The following CNIH3 variants were observed in gnomAD, a reference collection of about 807,000 sequenced individuals.
CNIH3 encodes the protein protein cornichon homolog 3.
In CNIH3, 14 loss-of-function variants were observed where a neutral mutation model predicts 24.1. The observed-to-expected ratio is 0.58, with a 90% confidence interval of 0.38 to 0.91. The LOEUF (loss-of-function observed/expected upper bound fraction) is 0.91, where lower values mean the gene tolerates loss of function less well. CNIH3 is among the 40% of genes least tolerant of loss of function. The pLI is 0.00. For missense variants in CNIH3, 178 were observed against 196.8 expected, an observed-to-expected ratio of 0.90 and a Z score of 0.57; for synonymous variants, 68 against 73.8, an observed-to-expected ratio of 0.92 and a Z score of 0.40.
At chr1:224,463,813 G>C (rs1482447666) in intron 1 of CNIH3, among the ~76,000 whole-genome samples, 3 of 88,648 alleles carry the variant, frequency 3.4e-5, no homozygotes, top group Middle Eastern at 0.026. Flanking sequence ...TTTTTTTAGA[G>C]GGAGTCTCGC....
intron 3 of CNIH3, among the ~76,000 whole-genome samples, chr1:224,700,374 A>C (rs1452521506): frequency 6.6e-6 from 1 of 152,194 alleles, no homozygotes; most frequent in Non-Finnish European, 1.5e-5. Context: ...TCCACGTATA[A>C]AATTTGGGAG....
intron 1 of CNIH3, among the ~76,000 whole-genome samples, chr1:224,635,599 G>A (rs1684050137): frequency 6.6e-6 from 1 of 152,260 alleles, no homozygotes; most frequent in Non-Finnish European, 1.5e-5. Flanking sequence ...GCACAGCCGA[G>A]CCGGCCTCGG....
At chr1:224,645,252 C>G (rs978703209) in intron 1 of CNIH3, among the ~76,000 whole-genome samples, 7 of 152,246 alleles carry the variant, frequency 4.6e-5, no homozygotes, top group East Asian at 1.9e-4. Context: ...TCTGCCCCCT[C>G]TCTCCTATGT....
chr1:224,693,593 T>G (rs1233219850), intron 3 of CNIH3, among the ~76,000 whole-genome samples: 1 of 152,180 alleles, frequency 6.6e-6, no homozygotes, highest in Admixed American at 6.5e-5. Context: ...CACCTGAGGC[T>G]TGTTCTCCTG....
chr1:224,506,365 C>A (rs1328790681), intron 1 of CNIH3, among the ~76,000 whole-genome samples: 1 of 152,184 alleles, frequency 6.6e-6, no homozygotes, highest in African/African-American at 2.4e-5. Context: ...AGTGATGAAG[C>A]TAGCACATTC....
intron 3 of CNIH3, among the ~76,000 whole-genome samples, chr1:224,695,572 G>T (rs969782139): frequency 1.3e-5 from 2 of 152,158 alleles, no homozygotes; most frequent in African/African-American, 4.8e-5. Context: ...CCTTGTTCAA[G>T]GTCACCCAGC....
At chr1:224,434,903 C>T in intron 1 of CNIH3, 4 of 983,870 alleles carry the variant, frequency 4.1e-6, no homozygotes, top group Non-Finnish European at 4.8e-6. Context: ...GCACGTGCAT[C>T]GGGGGCTGTC....
At chr1:224,501,381 A>G (rs1677658763) in intron 1 of CNIH3, among the ~76,000 whole-genome samples, 1 of 152,076 alleles carries the variant, frequency 6.6e-6, no homozygotes, top group South Asian at 2.1e-4. Context: ...TCTTGACAAC[A>G]GCACCATGAG....
chr1:224,607,383 A>AG (rs1682477402), intron 3 of CNIH3, among the ~76,000 whole-genome samples: 1 of 152,234 alleles, frequency 6.6e-6, no homozygotes, highest in South Asian at 2.1e-4. Flanking sequence ...AAGAGCAGGC[A>AG]GCAGGGGAAA....
chr1:224,636,945 A>T lies in CNIH3; in HGVS notation c.81+19690A>T, dbSNP rs1022149509. The stretch of plus-strand genomic sequence containing the variant: ...TCTATCATCTATCTGTCTTTGAGAG[A>T]TGCATTCTTTTTTTTTTTTTTTTTG... On this transcript the variant is annotated intron_variant, in intron 1 of 5. Coordinates refer to ENST00000272133, the MANE Select transcript of CNIH3 (RefSeq NM_152495.2). 4.7e-5 allele frequency among the ~76,000 whole-genome samples: 7 copies of T among 149,380 alleles called. No homozygotes were observed. The South Asian group carries it at 1.5e-3, about 31-fold the overall frequency.
downstream of CNIH3, among the ~76,000 whole-genome samples, chr1:224,591,112 C>T (rs1032951036): frequency 1.1e-4 from 17 of 152,348 alleles, no homozygotes; most frequent in African/African-American, 2.6e-4. Context: ...ATTATTCACT[C>T]TAGCTAAGCA....
At position 224,616,773 on chromosome 1, in the gene CNIH3, A is replaced by C; in HGVS notation, c.-402A>C. 2 of 1,030,090 alleles carry C rather than the reference A, an allele frequency of 1.9e-6. No homozygotes were observed. Among genetic ancestry groups the C allele is most frequent in the Non-Finnish European group, 2.3e-6 (2 of 859,168 alleles). 63.8% of individuals were successfully genotyped at this position (1,030,090 alleles called of 1,614,324 possible). On this transcript the variant is annotated 5_prime_UTR_variant, in exon 1 of 6. Coordinates refer to ENST00000272133, the MANE Select transcript of CNIH3 (RefSeq NM_152495.2). ...AGCGGTTTAGTGGAGAAAAGCAGAG[A>C]GCTCTTCCTGGGGCGAATGGGACCT...
intron 1 of CNIH3, among the ~76,000 whole-genome samples, chr1:224,638,626 G>A (rs2125088744): frequency 6.6e-6 from 1 of 152,280 alleles, no homozygotes; most frequent in South Asian, 2.1e-4. Flanking sequence ...ATCCCTAGAT[G>A]TTATCTCTCA....
rs555187048 is a variant in CNIH3 at position 224,583,717 on chromosome 1, T to C, written n.620+450T>C. On this transcript the variant is annotated intron_variant and non_coding_transcript_variant, in intron 5 of 5. Coordinates refer to the CNIH3 transcript ENST00000471578. ...TTCAGTAGGTCTGTTGTAGAGCCTA[T>C]GGAGTCTGTATGTGGAAGAGTTCTT... Among the ~76,000 whole-genome samples, 106 of 152,270 alleles carry C rather than the reference T, an allele frequency of 7.0e-4. 1 individual carries two copies. Among genetic ancestry groups the C allele is most frequent in the South Asian group, 2.5e-3 (12 of 4,822 alleles).
At chr1:224,504,556 C>T (rs1446308324) in intron 1 of CNIH3, among the ~76,000 whole-genome samples, 1 of 151,928 alleles carries the variant, frequency 6.6e-6, no homozygotes, top group African/African-American at 2.4e-5. Context: ...CTCCTCCCCT[C>T]CTGTACCCAC....
At chr1:224,556,795 C>T (rs1036725723) in intron 3 of CNIH3, among the ~76,000 whole-genome samples, 3 of 152,194 alleles carry the variant, frequency 2.0e-5, no homozygotes, top group East Asian at 1.9e-4. Flanking sequence ...TAACACGCCA[C>T]GGACCGGTAC....
chr1:224,517,319 G>A (rs1048623283), intron 1 of CNIH3, among the ~76,000 whole-genome samples: 3 of 151,968 alleles, frequency 2.0e-5, no homozygotes, highest in Admixed American at 6.6e-5. Context: ...TTCATAAATC[G>A]GGATGCTGAA....
chr1:224,707,657 G>C (rs774163737), intron 3 of CNIH3, among the ~76,000 whole-genome samples: 7 of 152,140 alleles, frequency 4.6e-5, no homozygotes, highest in Non-Finnish European at 1.0e-4. Flanking sequence ...TATAAAGGCA[G>C]AATCTCATGC....
rs183839577 is a variant in CNIH3, at chr1:224,485,554, G to T, written n.204-30187G>T. Among the ~76,000 whole-genome samples the T allele has an allele frequency of 1.2e-4, 18 of 152,036 alleles. No homozygotes were observed. The East Asian group carries it at 3.5e-3, about 29-fold the overall frequency. On this transcript the variant is annotated intron_variant and non_coding_transcript_variant, in intron 1 of 5. Transcript: ENST00000471578. ...GTCACCCAGGCTGGAGTGCAGTGGC[G>T]TGATCATTGTTCACCACAGCCTTGA... is the stretch of plus-strand genomic sequence containing the variant.
Sources: allele counts gnomAD v4.1 joint callset (sites outside exome capture counted in the v4.1 genomes callset), GRCh38; gene constraint gnomAD v4.1.1; transcripts MANE v1.5; gene names NCBI Gene and HGNC (gene_info 2026-07-23, HGNC 2026-07-21).